Variants in POFUT3 observed in about 807,000 individuals in gnomAD.
POFUT3 encodes protein O-fucosyltransferase 3.
At chr8:33,374,594 G>C in the POFUT3 span, among the ~76,000 whole-genome samples, 1 of 152,136 alleles carries the variant, frequency 6.6e-6, no homozygotes, top group Non-Finnish European at 1.5e-5. Flanking sequence ...CTGCAGTTTA[G>C]CAAGCAGTAA....
the POFUT3 span, among the ~76,000 whole-genome samples, chr8:33,394,686 A>T: frequency 2.0e-5 from 3 of 151,930 alleles, no homozygotes; most frequent in Non-Finnish European, 4.4e-5. Context: ...AAAAAAAAAA[A>T]CATCTCCACC....
chr8:33,436,429 T>C, the POFUT3 span: 6 of 1,443,272 alleles, frequency 4.2e-6, no homozygotes, highest in Non-Finnish European at 5.8e-6. Flanking sequence ...AAGCTCCTTA[T>C]TGGTACAGGT....
At chr8:33,375,065 T>C in the POFUT3 span, among the ~76,000 whole-genome samples, 1 of 151,726 alleles carries the variant, frequency 6.6e-6, no homozygotes, top group Admixed American at 6.6e-5. Flanking sequence ...TATTTTTTTT[T>C]ATTTTTAGTA....
chr8:33,356,639 G>A, the POFUT3 span, among the ~76,000 whole-genome samples: 1 of 152,066 alleles, frequency 6.6e-6, no homozygotes, highest in African/African-American at 2.4e-5. Flanking sequence ...CACTCTGATG[G>A]TAGTTTATTT....
At chr8:33,368,535 G>A in the POFUT3 span, among the ~76,000 whole-genome samples, 11 of 152,188 alleles carry the variant, frequency 7.2e-5, no homozygotes, top group African/African-American at 2.7e-4. Flanking sequence ...CTAGGAGAAA[G>A]GCTGCTCAGG....
At chr8:33,361,352 T>C in the POFUT3 span, 3 of 152,256 alleles carry the variant, frequency 2.0e-5, no homozygotes, top group Non-Finnish European at 4.4e-5. Flanking sequence ...GGACTTATTC[T>C]GGACTTGCCA....
the POFUT3 span, among the ~76,000 whole-genome samples, chr8:33,313,065 C>T: frequency 1.3e-5 from 2 of 152,090 alleles, no homozygotes; most frequent in African/African-American, 4.8e-5. Context: ...TCTAGGAATA[C>T]AGCAAGGAGA....
At chr8:33,421,830 A>G in the POFUT3 span, among the ~76,000 whole-genome samples, 2 of 152,192 alleles carry the variant, frequency 1.3e-5, no homozygotes, top group African/African-American at 4.8e-5. Flanking sequence ...CAAATCTCTA[A>G]TGAATATGGA....
At chr8:33,362,059 C>CAGCA in the POFUT3 span, among the ~76,000 whole-genome samples, 1 of 152,196 alleles carries the variant, frequency 6.6e-6, no homozygotes, top group African/African-American at 2.4e-5. Context: ...ATCAGACTAA[C>CAGCA]AGCAGATCTA....
At chr8:33,366,829 C>T in the POFUT3 span, among the ~76,000 whole-genome samples, 10 of 152,140 alleles carry the variant, frequency 6.6e-5, no homozygotes, top group South Asian at 2.1e-3. Flanking sequence ...AAATAGTATT[C>T]CATGGAAAAA....
the POFUT3 span, among the ~76,000 whole-genome samples, chr8:33,466,930 C>A: frequency 2.0e-5 from 3 of 152,084 alleles, no homozygotes; most frequent in Non-Finnish European, 4.4e-5. Flanking sequence ...TATGGTGAAG[C>A]CCTGTCTCTA....
At chr8:33,421,608 T>C in the POFUT3 span, among the ~76,000 whole-genome samples, 1 of 152,150 alleles carries the variant, frequency 6.6e-6, no homozygotes, top group Non-Finnish European at 1.5e-5. Context: ...CTGTTTGTCT[T>C]TGACTCCTTG....
At chr8:33,428,623 A>C in the POFUT3 span, among the ~76,000 whole-genome samples, 1 of 151,604 alleles carries the variant, frequency 6.6e-6, no homozygotes, top group Non-Finnish European at 1.5e-5. Flanking sequence ...GTGTCTCCCA[A>C]AAAGCATGTG....
chr8:33,382,953 G>A, the POFUT3 span, among the ~76,000 whole-genome samples: 6 of 152,172 alleles, frequency 3.9e-5, no homozygotes, highest in Admixed American at 3.3e-4. Flanking sequence ...ACTCTTCTCA[G>A]CACCCATATC....
At chr8:33,349,034 A>G in the POFUT3 span, among the ~76,000 whole-genome samples, 246 of 152,360 alleles carry the variant, frequency 1.6e-3, no homozygotes, top group Non-Finnish European at 2.4e-3. Flanking sequence ...GCTGAGAGCC[A>G]AAGGATGTGG....
the POFUT3 span, chr8:33,371,673 C>T: frequency 2.6e-5 from 4 of 152,320 alleles, no homozygotes; most frequent in Non-Finnish European, 2.9e-5. Context: ...TTCCCTATAG[C>T]AGGATCCGAA....
chr8:33,404,346 AAAAAAAG>A, the POFUT3 span, among the ~76,000 whole-genome samples: 28 of 151,510 alleles, frequency 1.8e-4, no homozygotes, highest in African/African-American at 6.6e-4. Flanking sequence ...TCAAAAAAAA[AAAAAAAG>A]AAAAAGAAAA....
At chr8:33,355,301 A>T in the POFUT3 span, among the ~76,000 whole-genome samples, 1 of 152,220 alleles carries the variant, frequency 6.6e-6, no homozygotes, top group African/African-American at 2.4e-5. Flanking sequence ...TTCCACTTGT[A>T]AAGAACTCAT....
the POFUT3 span, among the ~76,000 whole-genome samples, chr8:33,364,096 G>C: frequency 1.3e-5 from 2 of 152,232 alleles, no homozygotes; most frequent in African/African-American, 4.8e-5. Flanking sequence ...TTCATCCCTG[G>C]GATGCTAGGC....
Sources: gnomAD v4.1 joint callset for allele counts (sites outside exome capture counted in the v4.1 genomes callset) on GRCh38, gnomAD v4.1.1 for gene constraint, MANE v1.5 for transcripts, NCBI Gene and HGNC (gene_info 2026-07-23, HGNC 2026-07-21) for gene names.